NRXN3: variants seen among roughly 807,000 people sequenced by gnomAD.
The protein encoded by NRXN3 is neurexin III.
In NRXN3, 32 loss-of-function variants were observed where a neutral mutation model predicts 137.6. The observed-to-expected ratio is 0.23, with a 90% CI of 0.18 to 0.31. The LOEUF is 0.31. Among genes scored for constraint, NRXN3 ranks in the 10% least tolerant of loss-of-function variants. The pLI, the probability that NRXN3 is intolerant of heterozygous loss-of-function variation, is 1.00. For missense variants in NRXN3, 1,574 were observed against 2,062.5 expected, an observed-to-expected ratio of 0.76 and a Z score of 4.59; for synonymous variants, 798 against 784.5, an observed-to-expected ratio of 1.02 and a Z score of -0.29.
intron 15 of NRXN3, among the ~76,000 whole-genome samples, chr14:79,318,612 T>C (rs1179388681): frequency 6.6e-6 from 1 of 152,160 alleles, no homozygotes; most frequent in African/African-American, 2.4e-5. Context: ...AGACAGGAAG[T>C]GTTGGCGAGT....
At chr14:78,310,302 G>T (rs1376760301) in intron 4 of NRXN3, among the ~76,000 whole-genome samples, 1 of 148,576 alleles carries the variant, frequency 6.7e-6, no homozygotes, top group African/African-American at 2.5e-5. Context: ...GAACATGTAG[G>T]TGAAGGAATT....
chr14:78,771,628 T>C (rs1430226867), intron 8 of NRXN3, among the ~76,000 whole-genome samples: 1 of 152,106 alleles, frequency 6.6e-6, no homozygotes, highest in Non-Finnish European at 1.5e-5. Flanking sequence ...TTCCTGGCAA[T>C]AGGGAGCAAC....
chr14:79,655,414 G>A (rs528203961), intron 16 of NRXN3, among the ~76,000 whole-genome samples: 1 of 152,276 alleles, frequency 6.6e-6, no homozygotes, highest in East Asian at 1.9e-4. Context: ...CTGTTTGCTG[G>A]AACACAATTT....
chr14:79,464,824 G>C (rs968375032), intron 15 of NRXN3, among the ~76,000 whole-genome samples: 2 of 152,150 alleles, frequency 1.3e-5, no homozygotes, highest in African/African-American at 4.8e-5. Flanking sequence ...TTGAGTCTCT[G>C]TTTCCAAATC....
At chr14:79,437,077 C>A (rs1008764779) in intron 15 of NRXN3, among the ~76,000 whole-genome samples, 2 of 152,098 alleles carry the variant, frequency 1.3e-5, no homozygotes, top group African/African-American at 4.8e-5. Flanking sequence ...AAGGCCCTTC[C>A]GAATCTATCT....
chr14:79,470,940 A>AAAG (rs2096495351), intron 16 of NRXN3, among the ~76,000 whole-genome samples: 2 of 101,196 alleles, frequency 2.0e-5, no homozygotes, highest in African/African-American at 7.3e-5. Flanking sequence ...GAGAGAGAGA[A>AAAG]AGAGAGAGAG....
chr14:78,577,149 A>C (rs2096943915), intron 4 of NRXN3, among the ~76,000 whole-genome samples: 1 of 152,188 alleles, frequency 6.6e-6, no homozygotes, highest in African/African-American at 2.4e-5. Context: ...ACTCCCAGCT[A>C]TCTGAATATT....
chr14:78,862,567 C>G (rs753133444), intron 10 of NRXN3, among the ~76,000 whole-genome samples: 1 of 151,964 alleles, frequency 6.6e-6, no homozygotes, highest in South Asian at 2.1e-4. Context: ...ATCTCTAATT[C>G]GTATTTATAT....
chr14:78,281,719 C>T (rs2074437689), intron 3 of NRXN3, among the ~76,000 whole-genome samples: 1 of 152,162 alleles, frequency 6.6e-6, no homozygotes. Flanking sequence ...CATGTCAGCT[C>T]CTCCAGGTTG....
At chr14:79,191,184 G>C (rs1253528348) in intron 15 of NRXN3, among the ~76,000 whole-genome samples, 1 of 152,166 alleles carries the variant, frequency 6.6e-6, no homozygotes, top group Admixed American at 6.6e-5. Flanking sequence ...ATGAACTATA[G>C]ACAAGTCATC....
chr14:78,839,570 C>T (rs555438507), intron 10 of NRXN3, among the ~76,000 whole-genome samples: 1 of 152,306 alleles, frequency 6.6e-6, no homozygotes, highest in East Asian at 1.9e-4. Flanking sequence ...CTGAGATGGA[C>T]TGCACACCCC....
At chr14:79,314,528 AG>A (rs1301474744) in intron 15 of NRXN3, among the ~76,000 whole-genome samples, 23 of 39,358 alleles carry the variant, frequency 5.8e-4, no homozygotes, top group African/African-American at 2.4e-3. Flanking sequence ...AGGTAAACAA[AG>A]CAGCCGGGAA....
intron 4 of NRXN3, among the ~76,000 whole-genome samples, chr14:78,469,083 A>T (rs1465944866): frequency 6.6e-6 from 1 of 152,200 alleles, no homozygotes; most frequent in Non-Finnish European, 1.5e-5. Flanking sequence ...TTCTCCACCT[A>T]GTTACACAAT....
intron 15 of NRXN3, among the ~76,000 whole-genome samples, chr14:79,203,233 T>G (rs1462061085): frequency 6.6e-6 from 1 of 152,236 alleles, no homozygotes. Flanking sequence ...TCTTCAGGAT[T>G]AATATTCTCT....
intron 15 of NRXN3, among the ~76,000 whole-genome samples, chr14:79,214,003 A>G (rs1271299883): frequency 1.3e-5 from 2 of 152,268 alleles, no homozygotes; most frequent in Non-Finnish European, 2.9e-5. Flanking sequence ...TGCTGAAATG[A>G]AAACACTTTA....
At chr14:78,562,461 C>T (rs1335720477) in intron 4 of NRXN3, among the ~76,000 whole-genome samples, 1 of 143,730 alleles carries the variant, frequency 7.0e-6, no homozygotes, top group Non-Finnish European at 1.5e-5. Context: ...TAGCCCTTAA[C>T]TGGCTTGGCA....
chr14:79,536,469 T>C (rs1323146055), intron 16 of NRXN3, among the ~76,000 whole-genome samples: 2 of 152,044 alleles, frequency 1.3e-5, no homozygotes, highest in Admixed American at 6.6e-5. Context: ...TTTTTTTTAA[T>C]TTAAGTTCCA....
chr14:78,871,210 C>T (rs1278568229), intron 10 of NRXN3, among the ~76,000 whole-genome samples: 1 of 151,372 alleles, frequency 6.6e-6, no homozygotes, highest in Non-Finnish European at 1.5e-5. Context: ...TCCGTATCCT[C>T]ATCAGCATTC....
intron 20 of NRXN3, among the ~76,000 whole-genome samples, chr14:79,822,456 T>G (rs1164289939): frequency 6.6e-6 from 1 of 152,198 alleles, no homozygotes; most frequent in Non-Finnish European, 1.5e-5. Flanking sequence ...ATAGCATTCT[T>G]AATCAGCAAA....
Sources: allele counts gnomAD v4.1 joint callset (sites outside exome capture counted in the v4.1 genomes callset), GRCh38; gene constraint gnomAD v4.1.1; transcripts MANE v1.5; gene names NCBI Gene and HGNC (gene_info 2026-07-23, HGNC 2026-07-21).